Variants in PPP1R12B observed in about 807,000 individuals in gnomAD.
The protein encoded by PPP1R12B is myosin phosphatase target subunit 2.
PPP1R12B carries 76 observed loss-of-function variants against 126.1 expected under a neutral mutation model. That is an observed-to-expected ratio of 0.60 (90% CI 0.50 to 0.73). The LOEUF is 0.73. PPP1R12B is among the 30% of genes least tolerant of loss of function. The pLI, the probability that PPP1R12B is intolerant of heterozygous loss-of-function variation, is 0.00. For synonymous variants in PPP1R12B, 356 were observed against 434.7 expected, an observed-to-expected ratio of 0.82 and a Z score of 2.25; for missense variants, 1,052 against 1,205.1, an observed-to-expected ratio of 0.87 and a Z score of 1.88.
Position 202,471,918 on chromosome 1 carries a change from G to A in PPP1R12B, c.1851-16615G>A, listed in dbSNP as rs1045001195. On this transcript the variant is annotated intron_variant, in intron 13 of 23. Transcript: ENST00000608999. ...TTCTGTAAGCCTTGCTTTTCCTCCC[G>A]TAGGCTGGCAGAGGACAGTGGAGCA... The A allele has an allele frequency of 3.5e-5, 56 of 1,596,038 alleles. No individual in the cohort carries two copies. In the Admixed American group the frequency reaches 4.7e-4, roughly 13 times the overall value.
At chr1:202,417,398 G>A in intron 2 of PPP1R12B, 9 of 985,406 alleles carry the variant, frequency 9.1e-6, no homozygotes, top group Non-Finnish European at 1.1e-5. Context: ...TGGAACAAAG[G>A]AAAGGTGGGC....
intron 18 of PPP1R12B, among the ~76,000 whole-genome samples, chr1:202,541,952 G>A (rs965626037): frequency 2.0e-5 from 3 of 152,172 alleles, no homozygotes; most frequent in African/African-American, 2.4e-5. Flanking sequence ...GTCACTGGCC[G>A]TGGATTCCTA....
chr1:202,545,960 G>A (rs1685612617), intron 18 of PPP1R12B, among the ~76,000 whole-genome samples: 1 of 152,202 alleles, frequency 6.6e-6, no homozygotes, highest in African/African-American at 2.4e-5. Context: ...TAATTTTGAG[G>A]ATTTGGGGAG....
chr1:202,571,437 T>C (rs1450843249), intron 23 of PPP1R12B, among the ~76,000 whole-genome samples: 1 of 116,752 alleles, frequency 8.6e-6, no homozygotes, highest in Non-Finnish European at 2.0e-5. Flanking sequence ...GTTGTGAGGC[T>C]GTTTTTTGTT....
chr1:202,412,383 A>T (rs182077184), intron 1 of PPP1R12B, among the ~76,000 whole-genome samples: 1 of 152,214 alleles, frequency 6.6e-6, no homozygotes, highest in East Asian at 1.9e-4. Context: ...GGAGATTAAG[A>T]AAAGGAGAGG....
chr1:202,487,213 T>C lies in PPP1R12B; in HGVS notation c.1851-1320T>C, dbSNP rs557200879. Reference sequence around the variant, plus strand: ...AATCATCTCAATATATGGGGAAGAATAGCATGTGATAAAGTTCAACATACA... The same window carrying C: ...AATCATCTCAATATATGGGGAAGAACAGCATGTGATAAAGTTCAACATACA... On this transcript the variant is annotated intron_variant, in intron 13 of 23. Transcript: ENST00000608999. 2.0e-5 allele frequency among the ~76,000 whole-genome samples: 3 copies of C among 152,292 alleles called. No individual in the cohort carries two copies. In the East Asian group the frequency reaches 5.8e-4, roughly 29 times the overall value.
At position 202,583,788 on chromosome 1, in the gene PPP1R12B, A is replaced by T. The variant is rs936133563; in HGVS notation, c.*3228A>T. ...ACTCATGAGCACCCCAGGCAGCTCA[A>T]GCTGAATAAATAGCTGCAGACATGG... On this transcript the variant is annotated 3_prime_UTR_variant, in exon 24 of 24. Transcript: ENST00000608999. 6.6e-6 allele frequency: 1 copy of T among 152,264 alleles called. No individual in the cohort carries two copies. The highest frequency in any genetic ancestry group is 1.5e-5 in the Non-Finnish European group (1 of 68,058). 9.4% of individuals were successfully genotyped at this position (152,264 alleles called of 1,614,324 possible). A position where few individuals can be genotyped will look rare whatever the true frequency, so the allele number is the denominator to read the frequency against.
chr1:202,503,898 G>A (rs1482601746), intron 18 of PPP1R12B, among the ~76,000 whole-genome samples: 2 of 151,770 alleles, frequency 1.3e-5, no homozygotes, highest in African/African-American at 4.8e-5. Flanking sequence ...TGTCTTTTGA[G>A]CTAGAAATTG....
At chr1:202,519,515 G>A (rs1392516192) in intron 18 of PPP1R12B, among the ~76,000 whole-genome samples, 4 of 151,834 alleles carry the variant, frequency 2.6e-5, no homozygotes, top group East Asian at 1.9e-4. Context: ...CAAGTGATCC[G>A]CCCACCTCTG....
chr1:202,373,108 G>T (rs1359660102), intron 1 of PPP1R12B, among the ~76,000 whole-genome samples: 1 of 151,850 alleles, frequency 6.6e-6, no homozygotes, highest in African/African-American at 2.4e-5. Flanking sequence ...CTAATTTTTT[G>T]TATTTTTGGT....
chr1:202,548,386 G>T (rs866291373), intron 18 of PPP1R12B, among the ~76,000 whole-genome samples: 1 of 152,046 alleles, frequency 6.6e-6, no homozygotes, highest in South Asian at 2.1e-4. Context: ...TTTGAGACAG[G>T]ATCTCGCTCT....
intron 5 of PPP1R12B, 167 bp from the exon 6 acceptor site, chr1:202,428,688 T>C: frequency 1.7e-6 from 1 of 605,372 alleles, no homozygotes; most frequent in South Asian, 2.1e-5. Flanking sequence ...TTATGTGTCC[T>C]GTGTGATAGA....
chr1:202,430,580 A>G (rs541771266), intron 6 of PPP1R12B, 151 bp from the exon 7 acceptor site: 8 of 665,902 alleles, frequency 1.2e-5, no homozygotes, highest in East Asian at 2.9e-5. Flanking sequence ...GACCCAACTG[A>G]TATGTTTCTC....
intron 13 of PPP1R12B, among the ~76,000 whole-genome samples, chr1:202,454,581 T>C (rs4378264): frequency 1.3e-5 from 2 of 152,176 alleles, no homozygotes; most frequent in Non-Finnish European, 2.9e-5. Flanking sequence ...ATTTGTGTAA[T>C]ATAAAGAAGT....
At chr1:202,427,584 G>A (rs1220575829) in intron 5 of PPP1R12B, among the ~76,000 whole-genome samples, 1 of 151,924 alleles carries the variant, frequency 6.6e-6, no homozygotes, top group African/African-American at 2.4e-5. Flanking sequence ...AGTGTTATTC[G>A]GTCTCACTTC....
intron 13 of PPP1R12B, among the ~76,000 whole-genome samples, chr1:202,466,485 G>A (rs747087815): frequency 2.6e-5 from 4 of 150,948 alleles, no homozygotes; most frequent in Admixed American, 6.6e-5. Flanking sequence ...AACACCTTAG[G>A]CATTGTTCCT....
chr1:202,364,129 A>AT (rs1658718490), intron 1 of PPP1R12B, among the ~76,000 whole-genome samples: 3 of 152,218 alleles, frequency 2.0e-5, no homozygotes, highest in African/African-American at 7.2e-5. Context: ...AGCATGGTAC[A>AT]GAAATAAGAT....
Position 202,582,607 on chromosome 1 carries a change from C to G in PPP1R12B, c.*2047C>G, listed in dbSNP as rs1469549557. 1 of 152,620 alleles carries G rather than the reference C, an allele frequency of 6.6e-6. No homozygotes were observed. Among genetic ancestry groups the G allele is most frequent in the Non-Finnish European group, 1.5e-5 (1 of 68,062 alleles). The allele number at this position is 152,620 out of a possible 1,614,324, so 9.5% of individuals were successfully genotyped here. On this transcript the variant is annotated 3_prime_UTR_variant, in exon 24 of 24. Transcript: ENST00000608999. Reference sequence around the variant, plus strand: ...CTGTAATTCAAGATCCCAATTCCACCAGGTGCAGTGGCTCATGCCTGTAAT... The same window carrying G: ...CTGTAATTCAAGATCCCAATTCCACGAGGTGCAGTGGCTCATGCCTGTAAT...
At chr1:202,380,770 A>G (rs904415663) in intron 1 of PPP1R12B, among the ~76,000 whole-genome samples, 4 of 152,182 alleles carry the variant, frequency 2.6e-5, no homozygotes, top group Non-Finnish European at 5.9e-5. Flanking sequence ...GTACCAAACA[A>G]ATGATTGTGT....
Sources: gnomAD v4.1 joint callset for allele counts (sites outside exome capture counted in the v4.1 genomes callset) on GRCh38, gnomAD v4.1.1 for gene constraint, MANE v1.5 for transcripts, NCBI Gene and HGNC (gene_info 2026-07-23, HGNC 2026-07-21) for gene names.